LDLRAD3: variants seen among roughly 807,000 people sequenced by gnomAD.
LDLRAD3 encodes the protein low-density lipoprotein receptor class A domain-containing protein 3.
Under a neutral mutation model 29.4 loss-of-function variants are expected in LDLRAD3, and 20 were observed. The observed-to-expected ratio is 0.68, with a 90% CI of 0.48 to 0.99. The LOEUF (loss-of-function observed/expected upper bound fraction) is 0.99, where lower values mean the gene tolerates loss of function less well. LDLRAD3 is among the 50% of genes least tolerant of loss of function. The probability of loss-of-function intolerance (pLI) is 0.00; values close to 1 mark genes in which losing one functional copy is unlikely to be tolerated. For missense variants in LDLRAD3, 420 were observed against 454.3 expected (o/e 0.92, Z 0.69); for synonymous variants, 157 against 192.7 (o/e 0.81, Z 1.53).
At chr11:36,068,879 CCTCTT>C (rs1312937459) in intron 2 of LDLRAD3, among the ~76,000 whole-genome samples, 4 of 152,152 alleles carry the variant, frequency 2.6e-5, no homozygotes, top group Non-Finnish European at 5.9e-5. Flanking sequence ...CTGTAGACCT[CCTCTT>C]CTCAGCATAA....
At chr11:36,220,533 G>A (rs1450053660) in intron 4 of LDLRAD3, among the ~76,000 whole-genome samples, 1 of 152,174 alleles carries the variant, frequency 6.6e-6, no homozygotes, top group African/African-American at 2.4e-5. Context: ...CAAAAGCAGT[G>A]TGCTGAGTGA....
rs952818973 is a variant in LDLRAD3 at position 35,965,201 on chromosome 11, C to G, written c.46+21057C>G. Among the ~76,000 whole-genome samples, 11 of 152,282 alleles carry G rather than the reference C, an allele frequency of 7.2e-5. No homozygotes were observed. The East Asian group carries it at 2.1e-3, about 29-fold the overall frequency. On this transcript the variant is annotated intron_variant, in intron 1 of 5. Coordinates refer to ENST00000315571, the MANE Select transcript of LDLRAD3 (RefSeq NM_174902.4). ...GATGAGAATAATGAAAACCAAATCA[C>G]TCTCTAATTATCCAATCATTATTTT... is the stretch of plus-strand genomic sequence containing the variant.
chr11:36,074,399 T>C (rs1050167570), intron 2 of LDLRAD3, among the ~76,000 whole-genome samples: 4 of 152,030 alleles, frequency 2.6e-5, no homozygotes, highest in Non-Finnish European at 4.4e-5. Context: ...CTGAGTAAGA[T>C]GGAGGAGTGA....
intron 1 of LDLRAD3, among the ~76,000 whole-genome samples, chr11:35,985,311 A>C (rs1851601421): frequency 6.6e-6 from 1 of 152,036 alleles, no homozygotes; most frequent in Non-Finnish European, 1.5e-5. Context: ...TCTCTCTTGG[A>C]GTTAGTAAAT....
intron 4 of LDLRAD3, among the ~76,000 whole-genome samples, chr11:36,215,002 AGG>A (rs1330956207): frequency 2.0e-5 from 3 of 152,200 alleles, no homozygotes; most frequent in Admixed American, 2.0e-4. Flanking sequence ...GTACAATGAC[AGG>A]CAGTAACAGT....
intron 4 of LDLRAD3, among the ~76,000 whole-genome samples, chr11:36,189,281 T>G (rs1474711928): frequency 6.6e-6 from 1 of 151,044 alleles, no homozygotes. Flanking sequence ...AGGTGAGGAG[T>G]TCAAGACCAG....
Position 36,223,911 on chromosome 11 carries a change from T to C in LDLRAD3, c.455-3174T>C, listed in dbSNP as rs117454502. On this transcript the variant is annotated intron_variant, in intron 4 of 5. Transcript: ENST00000315571. ...AGCAACACTAAAATCTAGTGTTCAT[T>C]AGTGAGGGATGATGAAAAATTCTGG... Among the ~76,000 whole-genome samples, 143 of 151,592 alleles carry C rather than the reference T, an allele frequency of 9.4e-4. 1 individual carries two copies. In the East Asian group the frequency reaches 0.026, roughly 27 times the overall value.
chr11:36,091,643 A>AT (rs1205207594), intron 3 of LDLRAD3, among the ~76,000 whole-genome samples: 9 of 152,058 alleles, frequency 5.9e-5, no homozygotes, highest in Non-Finnish European at 1.0e-4. Context: ...TCTGCAGACA[A>AT]TTTTTTCCAC....
At chr11:36,102,177 C>T (rs7119998) in intron 4 of LDLRAD3, 34,657 of 165,542 alleles carry the variant, frequency 0.21, 4,032 homozygotes, top group South Asian at 0.28. Context: ...CGTGAGCCAC[C>T]GCACCCGGCC....
chr11:36,036,075 C>T (rs771348910), intron 1 of LDLRAD3, 28 bp from the exon 2 acceptor site: 18 of 1,608,286 alleles, frequency 1.1e-5, no homozygotes, highest in Admixed American at 1.7e-5. Flanking sequence ...GTTGCTGTGC[C>T]GTCTGACCTG....
intron 4 of LDLRAD3, among the ~76,000 whole-genome samples, chr11:36,149,711 C>T: frequency 6.6e-6 from 1 of 152,150 alleles, no homozygotes; most frequent in South Asian, 2.1e-4. Context: ...GGTAGAAAAC[C>T]ATCTCCTGGG....
Position 36,127,927 on chromosome 11 carries a change from G to A in LDLRAD3, c.454+29466G>A, listed in dbSNP as rs1034037114. Among the ~76,000 whole-genome samples the A allele has an allele frequency of 4.6e-5, 7 of 151,830 alleles. No homozygotes were observed. In the South Asian group the frequency reaches 1.5e-3, roughly 32 times the overall value. ...CTTTCCCTGGGTCAAAGGTCCACCA[G>A]TTGAGGTGTTTTAATGCCCTTCCAA... On this transcript the variant is annotated intron_variant, in intron 4 of 5. Transcript: ENST00000315571.
At chr11:36,226,781 C>T (rs1323030044) in intron 4 of LDLRAD3, among the ~76,000 whole-genome samples, 1 of 152,178 alleles carries the variant, frequency 6.6e-6, no homozygotes, top group Non-Finnish European at 1.5e-5. Context: ...CAGAATCTTA[C>T]AATATGTGAT....
At chr11:36,214,224 C>T (rs1855322375) in intron 4 of LDLRAD3, among the ~76,000 whole-genome samples, 1 of 152,126 alleles carries the variant, frequency 6.6e-6, no homozygotes, top group South Asian at 2.1e-4. Context: ...AGAGCTTTGA[C>T]CTTCATGATG....
At chr11:36,026,288 C>A (rs367629362) in intron 1 of LDLRAD3, among the ~76,000 whole-genome samples, 39 of 152,256 alleles carry the variant, frequency 2.6e-4, no homozygotes, top group Middle Eastern at 3.4e-3. Context: ...TGAATGTACC[C>A]TGTTTTCTCA....
chr11:35,958,591 A>G (rs1479592233), intron 1 of LDLRAD3, among the ~76,000 whole-genome samples: 2 of 151,174 alleles, frequency 1.3e-5, no homozygotes, highest in African/African-American at 2.4e-5. Context: ...CTCTCTCAGG[A>G]CTCCTGGGTG....
chr11:36,003,637 A>G (rs549528620), intron 1 of LDLRAD3, among the ~76,000 whole-genome samples: 2 of 152,332 alleles, frequency 1.3e-5, no homozygotes, highest in South Asian at 4.1e-4. Flanking sequence ...ACCTCTGCCT[A>G]TGGTCCTACT....
chr11:36,011,655 T>G (rs1246488809), intron 1 of LDLRAD3, among the ~76,000 whole-genome samples: 2 of 152,216 alleles, frequency 1.3e-5, no homozygotes, highest in African/African-American at 4.8e-5. Context: ...AACAGGTCTA[T>G]TCTGCTATTT....
intron 4 of LDLRAD3, among the ~76,000 whole-genome samples, chr11:36,176,454 GT>G (rs34449558): frequency 1.4e-4 from 21 of 145,216 alleles, no homozygotes; most frequent in Admixed American, 4.8e-4. Flanking sequence ...GTATTTCAAG[GT>G]TTTTTTTTTT....
Sources: allele counts gnomAD v4.1 joint callset (sites outside exome capture counted in the v4.1 genomes callset), GRCh38; gene constraint gnomAD v4.1.1; transcripts MANE v1.5; gene names NCBI Gene and HGNC (gene_info 2026-07-23, HGNC 2026-07-21).